Variants in CPE observed in about 807,000 individuals in gnomAD.
CPE encodes carboxypeptidase E.
A neutral mutation model predicts 53.5 loss-of-function variants in CPE; 17 were observed. The ratio of observed to expected loss-of-function variants is 0.32; its 90% CI spans 0.22 to 0.48. The LOEUF (loss-of-function observed/expected upper bound fraction) is 0.48, where lower values mean the gene tolerates loss of function less well. Ranked by LOEUF, CPE falls within the 20% of genes least tolerant of loss-of-function variation. The pLI is 0.99. For synonymous variants in CPE, 226 were observed against 228.8 expected, an observed-to-expected ratio of 0.99 and a Z score of 0.11; for missense variants, 524 against 614.7, an observed-to-expected ratio of 0.85 and a Z score of 1.56.
At chr4:165,392,266 TATATTTAC>T (rs1226877084) in intron 1 of CPE, among the ~76,000 whole-genome samples, 1 of 146,930 alleles carries the variant, frequency 6.8e-6, no homozygotes, top group African/African-American at 2.5e-5. Context: ...TATATATTTA[TATATTTAC>T]ATATAATAGT....
chr4:165,404,605 G>T (rs2241814), intron 1 of CPE: 7 of 1,103,020 alleles, frequency 6.3e-6, no homozygotes, highest in Non-Finnish European at 9.8e-6. Flanking sequence ...CCAGTGTGGC[G>T]GCACCCACAG....
At chr4:165,462,900 C>T (rs73860785) in intron 1 of CPE, among the ~76,000 whole-genome samples, 3 of 152,142 alleles carry the variant, frequency 2.0e-5, no homozygotes, top group Non-Finnish European at 2.9e-5. Flanking sequence ...TCAGGAATCT[C>T]ATGCAAAGAA....
chr4:165,422,784 T>TG (rs1484421603), intron 1 of CPE, among the ~76,000 whole-genome samples: 1 of 152,070 alleles, frequency 6.6e-6, no homozygotes, highest in East Asian at 1.9e-4. Context: ...GAGACCATCC[T>TG]GGCCAATATG....
At chr4:165,435,480 A>G (rs1412308234) in intron 1 of CPE, among the ~76,000 whole-genome samples, 2 of 152,228 alleles carry the variant, frequency 1.3e-5, no homozygotes, top group Non-Finnish European at 2.9e-5. Context: ...TCATAGGAAA[A>G]TAATTATAAA....
intron 1 of CPE, among the ~76,000 whole-genome samples, chr4:165,402,763 G>A (rs1730890295): frequency 6.6e-6 from 1 of 152,102 alleles, no homozygotes; most frequent in Non-Finnish European, 1.5e-5. Flanking sequence ...TTTCTTTATA[G>A]TAATTCAAGA....
chr4:165,451,356 TAAC>T (rs1731804290), intron 1 of CPE, among the ~76,000 whole-genome samples: 1 of 152,148 alleles, frequency 6.6e-6, no homozygotes, highest in Admixed American at 6.5e-5. Context: ...CCAGTATGAG[TAAC>T]AACAATGGGT....
intron 1 of CPE, among the ~76,000 whole-genome samples, chr4:165,433,324 T>C (rs1249776238): frequency 6.6e-6 from 1 of 152,142 alleles, no homozygotes; most frequent in African/African-American, 2.4e-5. Context: ...GTCAGATGAC[T>C]TAGTTTTAGT....
chr4:165,457,757 A>G (rs1026176280), intron 1 of CPE, among the ~76,000 whole-genome samples: 1 of 152,214 alleles, frequency 6.6e-6, no homozygotes, highest in Non-Finnish European at 1.5e-5. Flanking sequence ...AAGAAGAGAG[A>G]ATATAATGCT....
At chr4:165,463,568 T>TA (rs1732046099) in intron 1 of CPE, among the ~76,000 whole-genome samples, 1 of 151,976 alleles carries the variant, frequency 6.6e-6, no homozygotes, top group African/African-American at 2.4e-5. Flanking sequence ...GATTTAGGAA[T>TA]AAAAACAAAA....
intron 1 of CPE, among the ~76,000 whole-genome samples, chr4:165,394,112 G>T (rs1448399444): frequency 1.3e-5 from 2 of 152,126 alleles, no homozygotes; most frequent in South Asian, 2.1e-4. Context: ...TGGCTCAAGA[G>T]AAACTTTGGG....
intron 3 of CPE, among the ~76,000 whole-genome samples, chr4:165,468,935 A>G (rs917907995): frequency 4.6e-5 from 7 of 152,204 alleles, no homozygotes; most frequent in African/African-American, 1.7e-4. Flanking sequence ...TCATGGCTTC[A>G]TACTTGCTGT....
intron 1 of CPE, among the ~76,000 whole-genome samples, chr4:165,453,033 G>A (rs1277346603): frequency 6.6e-6 from 1 of 151,832 alleles, no homozygotes; most frequent in African/African-American, 2.4e-5. Context: ...CTGGAGTGCA[G>A]TGGCGCAATC....
At chr4:165,402,538 G>C (rs1018906791) in intron 1 of CPE, among the ~76,000 whole-genome samples, 6 of 152,100 alleles carry the variant, frequency 3.9e-5, no homozygotes, top group African/African-American at 7.2e-5. Flanking sequence ...ACTATCTCCT[G>C]GTGAGTTCTC....
intron 1 of CPE, among the ~76,000 whole-genome samples, chr4:165,399,478 C>T (rs1245274787): frequency 6.6e-6 from 1 of 152,194 alleles, no homozygotes; most frequent in Non-Finnish European, 1.5e-5. Flanking sequence ...GATTCTCCTG[C>T]CCTGGCCTCC....
rs1394820187 is a variant in CPE, at chr4:165,482,324, T to C, written c.755T>C (p.Leu252Pro). The C allele has an allele frequency of 6.2e-7, 1 of 1,613,750 alleles. No individual in the cohort carries two copies. Among genetic ancestry groups the C allele is most frequent in the Non-Finnish European group, 8.5e-7 (1 of 1,179,754 alleles). Reference protein sequence around the residue: ...VLSANLHGGDLVANYPYDETR... With the variant: ...VLSANLHGGDPVANYPYDETR... ...TCTGCCAATCTCCATGGAGGAGACC[T>C]TGTGGCCAATTATCCATATGATGAG... Residue 252 changes from leucine (L) to proline (P), a missense_variant, in exon 4 of 9, where the codon CTT becomes CCT. Transcript: ENST00000402744.
Position 165,487,450 on chromosome 4 carries a change from TCAATTACCTTAG to T in CPE, c.989_1000del (p.Asn330_Ser333del). On this transcript the variant is annotated inframe_deletion, in exon 6 of 9. Coordinates refer to ENST00000402744, the MANE Select transcript of CPE (RefSeq NM_001873.4). The stretch of plus-strand genomic sequence containing the variant: ...GGTGTTTTGGCAGGGATGCAAGACT[TCAATTACCTTAG>T]CAGCAACTGTTTTGAGATCACCGTG... 1 of 1,614,018 alleles carries T rather than the reference TCAATTACCTTAG, an allele frequency of 6.2e-7. No homozygotes were observed. The highest frequency in any genetic ancestry group is 8.5e-7 in the Non-Finnish European group (1 of 1,179,974).
chr4:165,440,736 T>C (rs987672268), intron 1 of CPE, among the ~76,000 whole-genome samples: 4 of 152,006 alleles, frequency 2.6e-5, no homozygotes, highest in African/African-American at 9.7e-5. Flanking sequence ...ATGTCACCGA[T>C]TTGGAAATAT....
At chr4:165,492,537 T>C (rs6856391) in intron 6 of CPE, among the ~76,000 whole-genome samples, 63,923 of 151,848 alleles carry the variant, frequency 0.42, 17,356 homozygotes, top group African/African-American at 0.78. Context: ...AGACTCATGT[T>C]GCAAAAACCC....
intron 1 of CPE, among the ~76,000 whole-genome samples, chr4:165,428,767 T>G (rs934976656): frequency 6.6e-6 from 1 of 152,208 alleles, no homozygotes; most frequent in African/African-American, 2.4e-5. Flanking sequence ...TCTGCCTTTG[T>G]GGACACATTG....
Sources: allele counts gnomAD v4.1 joint callset (sites outside exome capture counted in the v4.1 genomes callset), GRCh38; gene constraint gnomAD v4.1.1; transcripts MANE v1.5; gene names NCBI Gene and HGNC (gene_info 2026-07-23, HGNC 2026-07-21).